The following OSBPL10 variants were observed in gnomAD, a reference collection of about 807,000 sequenced individuals.
The protein encoded by OSBPL10 is oxysterol binding protein like 10, also known as oxysterol-binding protein-related protein 10.
A neutral mutation model predicts 81.7 loss-of-function variants in OSBPL10; 49 were observed. The ratio of observed to expected loss-of-function variants is 0.60; its 90% CI spans 0.48 to 0.76. The LOEUF (loss-of-function observed/expected upper bound fraction) is 0.76, where lower values mean the gene tolerates loss of function less well. Among genes scored for constraint, OSBPL10 ranks in the 30% least tolerant of loss-of-function variants. The pLI, the probability that OSBPL10 is intolerant of heterozygous loss-of-function variation, is 0.00. For missense variants in OSBPL10, 923 were observed against 987.8 expected, an observed-to-expected ratio of 0.93 and a Z score of 0.88; for synonymous variants, 419 against 383.6, an observed-to-expected ratio of 1.09 and a Z score of -1.08.
chr3:32,024,252 G>A (rs1699382904), intron 2 of OSBPL10, among the ~76,000 whole-genome samples: 1 of 152,128 alleles, frequency 6.6e-6, no homozygotes, highest in South Asian at 2.1e-4. Flanking sequence ...AAAATAGCCT[G>A]CTTGGGATTT....
At chr3:31,915,670 G>A (rs1255640416) in intron 1 of OSBPL10, among the ~76,000 whole-genome samples, 4 of 152,094 alleles carry the variant, frequency 2.6e-5, no homozygotes, top group African/African-American at 9.7e-5. Flanking sequence ...GTGCCTAGGT[G>A]ACAGGATCAT....
intron 4 of OSBPL10, among the ~76,000 whole-genome samples, chr3:31,749,533 C>A (rs990575197): frequency 6.6e-6 from 1 of 152,162 alleles, no homozygotes; most frequent in African/African-American, 2.4e-5. Context: ...TAAAAGTCAC[C>A]TTTTTAGCTG....
intron 3 of OSBPL10, among the ~76,000 whole-genome samples, chr3:31,848,683 A>G (rs1700692021): frequency 6.6e-6 from 1 of 152,192 alleles, no homozygotes; most frequent in East Asian, 1.9e-4. Context: ...AGGTTTAAGG[A>G]TTAACACAGA....
Position 31,748,638 on chromosome 3 carries a change from G to A in OSBPL10, c.730-518C>T, listed in dbSNP as rs1261515592. Among the ~76,000 whole-genome samples, 5 of 55,424 alleles carry A rather than the reference G, an allele frequency of 9.0e-5. No individual in the cohort carries two copies. The Admixed American group carries it at 1.3e-3, about 14-fold the overall frequency. 36.4% of individuals were successfully genotyped at this position (55,424 alleles called of 152,430 possible). A position where few individuals can be genotyped will look rare whatever the true frequency, so the allele number is the denominator to read the frequency against. ...AACCAATGCTGAGCCCCCTTCGCTC[G>A]CTTGCAAAAAAAAAAAAAAAAATGC... On this transcript the variant is annotated intron_variant, in intron 4 of 11. Coordinates refer to ENST00000396556, the MANE Select transcript of OSBPL10 (RefSeq NM_017784.5).
intron 2 of OSBPL10, among the ~76,000 whole-genome samples, chr3:32,021,913 G>A (rs113369201): frequency 0.028 from 4,312 of 151,564 alleles, 71 homozygotes; most frequent in Non-Finnish European, 0.04. Flanking sequence ...TGAAGAGGTT[G>A]AAGCTGCAGT....
At chr3:31,800,781 A>G (rs1042108887) in intron 4 of OSBPL10, among the ~76,000 whole-genome samples, 1 of 152,242 alleles carries the variant, frequency 6.6e-6, no homozygotes, top group African/African-American at 2.4e-5. Flanking sequence ...CCATGCTGAC[A>G]ACAGCTAAGG....
chr3:31,837,362 TATATATATATATAG>T (rs1700383707), intron 3 of OSBPL10, among the ~76,000 whole-genome samples: 1 of 31,458 alleles, frequency 3.2e-5, no homozygotes, highest in African/African-American at 9.1e-5. Flanking sequence ...TATATATATA[TATATATATATATAG>T]TAAGTAACAT....
At chr3:31,671,892 C>G (rs1463776417) in intron 8 of OSBPL10, among the ~76,000 whole-genome samples, 1 of 152,180 alleles carries the variant, frequency 6.6e-6, no homozygotes, top group African/African-American at 2.4e-5. Context: ...AGACCCAGCA[C>G]TACAGCTCTC....
At position 31,683,678 on chromosome 3, in the gene OSBPL10, C is replaced by G; in HGVS notation, c.1682G>C (p.Ser561Thr). The change falls in exon 8 of 12, where the codon AGC becomes ACC. Residue 561 changes from serine (S) to threonine (T), a missense_variant. Physicochemically the swap from Ser to Thr is moderately conservative, Grantham distance 58. Around this residue, in one of 3 missense-constraint regions of OSBPL10, gnomAD observed 387 missense variants for 436.3 expected, o/e 0.89. Coordinates refer to ENST00000396556, the MANE Select transcript of OSBPL10 (RefSeq NM_017784.5). ...LCVNTHVWTK[S>T]KFMGMSVGVS... ...CCCCACGGACATGCCCATGAACTTGCTTTTGGTCCATACATGAGTGTTGAC... is the reference window on the plus strand; with the variant it reads ...CCCCACGGACATGCCCATGAACTTGGTTTTGGTCCATACATGAGTGTTGAC... 1 of 1,614,022 alleles carries G rather than the reference C, an allele frequency of 6.2e-7. No homozygotes were observed. Among genetic ancestry groups the G allele is most frequent in the Non-Finnish European group, 8.5e-7 (1 of 1,179,900 alleles).
At position 31,974,073 on chromosome 3, in the gene OSBPL10, C is replaced by T. The variant is rs370285409; in HGVS notation, c.281+6826G>A. 8.8e-4 allele frequency among the ~76,000 whole-genome samples: 134 copies of T among 152,246 alleles called. 1 individual carries two copies. In the Middle Eastern group the frequency reaches 0.014, roughly 15 times the overall value. The stretch of plus-strand genomic sequence containing the variant: ...AGGGCGCATACCCAGAATATATAAA[C>T]ATCTCGTAAAAGTCAAGAAGAAAAA... On this transcript the variant is annotated intron_variant, in intron 1 of 11. Transcript: ENST00000396556.
chr3:31,882,826 G>T (rs1262839065), intron 1 of OSBPL10, among the ~76,000 whole-genome samples: 1 of 152,140 alleles, frequency 6.6e-6, no homozygotes, highest in Non-Finnish European at 1.5e-5. Context: ...CTAGGCCACG[G>T]GGATCAGTAT....
chr3:31,759,201 A>C (rs1697965565), intron 4 of OSBPL10, among the ~76,000 whole-genome samples: 1 of 152,242 alleles, frequency 6.6e-6, no homozygotes, highest in Non-Finnish European at 1.5e-5. Context: ...ACTGTCCAAC[A>C]GAAGGATTCC....
At chr3:31,823,536 C>T (rs1700029715) in intron 4 of OSBPL10, among the ~76,000 whole-genome samples, 1 of 151,954 alleles carries the variant, frequency 6.6e-6, no homozygotes, top group South Asian at 2.1e-4. Context: ...TTCTAGTAGG[C>T]GAATTTAAAA....
intron 4 of OSBPL10, among the ~76,000 whole-genome samples, chr3:31,803,061 A>C (rs1240216818): frequency 7.0e-6 from 1 of 142,230 alleles, no homozygotes; most frequent in South Asian, 2.2e-4. Flanking sequence ...AAAATCACAC[A>C]TGATTCAGTG....
intron 3 of OSBPL10, among the ~76,000 whole-genome samples, chr3:31,857,817 A>G (rs1241890344): frequency 2.9e-4 from 2 of 6,784 alleles, no homozygotes; most frequent in East Asian, 5.7e-3. Context: ...AGAGAGAGAA[A>G]GGGAGAGGGA....
At chr3:32,001,299 G>A (rs78276714) in intron 2 of OSBPL10, among the ~76,000 whole-genome samples, 2 of 152,120 alleles carry the variant, frequency 1.3e-5, no homozygotes, top group Non-Finnish European at 2.9e-5. Context: ...CTATAAGGCT[G>A]GGCTCTATAT....
chr3:31,797,167 G>C (rs1156827410), intron 4 of OSBPL10, among the ~76,000 whole-genome samples: 2 of 151,712 alleles, frequency 1.3e-5, no homozygotes, highest in Admixed American at 6.6e-5. Flanking sequence ...GCTAATTTTT[G>C]TATCTTTAGT....
rs528093615 is a variant in OSBPL10 at position 32,014,196 on chromosome 3, A to G, written n.298+32295T>C. Among the ~76,000 whole-genome samples the G allele has an allele frequency of 6.6e-5, 10 of 152,374 alleles. No homozygotes were observed. In the South Asian group the frequency reaches 1.0e-3, roughly 16 times the overall value. ...ATGAATAACAATGCAAAAATCCTCAATAAAATACTGGCAAACTGAATCCAG... is the reference window on the plus strand; with the variant it reads ...ATGAATAACAATGCAAAAATCCTCAGTAAAATACTGGCAAACTGAATCCAG... On this transcript the variant is annotated intron_variant and non_coding_transcript_variant, in intron 2 of 3. Transcript: ENST00000479173.
At chr3:31,917,263 A>T (rs1392617324) in intron 1 of OSBPL10, among the ~76,000 whole-genome samples, 2 of 152,196 alleles carry the variant, frequency 1.3e-5, no homozygotes, top group African/African-American at 4.8e-5. Flanking sequence ...GTCCAACTCC[A>T]CTAGGAGTCC....
Sources: allele counts gnomAD v4.1 joint callset (sites outside exome capture counted in the v4.1 genomes callset), GRCh38; gene constraint gnomAD v4.1.1; regional missense constraint gnomAD v4.1.1; transcripts MANE v1.5; gene names NCBI Gene and HGNC (gene_info 2026-07-23, HGNC 2026-07-21).